Variants in ANKRD36B observed in about 807,000 individuals in gnomAD.
ANKRD36B encodes the protein ankyrin repeat domain 36B.
ANKRD36B carries 37 observed loss-of-function variants against 135.7 expected under a neutral mutation model. That is an observed-to-expected ratio of 0.27 (90% confidence interval 0.21 to 0.36). The LOEUF (loss-of-function observed/expected upper bound fraction) is 0.36, where lower values mean the gene tolerates loss of function less well. Among genes scored for constraint, ANKRD36B ranks in the 10% least tolerant of loss-of-function variants. The pLI, the probability that ANKRD36B is intolerant of heterozygous loss-of-function variation, is 1.00. For synonymous variants in ANKRD36B, 179 were observed against 348.1 expected (o/e 0.51, Z 5.41); for missense variants, 549 against 1,037.1 (o/e 0.53, Z 6.46).
intron 5 of ANKRD36B, among the ~76,000 whole-genome samples, chr2:97,577,901 G>T (rs1233249663): frequency 6.6e-6 from 1 of 151,808 alleles, no homozygotes; most frequent in South Asian, 2.1e-4. Context: ...AAGCTCTTAC[G>T]CTGTTTATAT....
In ANKRD36B at chr2:97,540,729, T is replaced by TC. The variant is rs2079110968; in HGVS notation, c.1886-501dup. On this transcript the variant is annotated intron_variant, in intron 28 of 43. Transcript: ENST00000359901. Reference sequence around the variant, plus strand: ...TTCAGTTGAATGTACACTTCACGTCTCTTCAGTAGAAGTGTCCTAAATTGA... The same window carrying TC: ...TTCAGTTGAATGTACACTTCACGTCTCCTTCAGTAGAAGTGTCCTAAATTGA... 2.1e-5 allele frequency among the ~76,000 whole-genome samples: 2 copies of TC among 96,702 alleles called. 1 individual carries two copies. The highest frequency in any genetic ancestry group is 1.8e-4 in the Admixed American group (2 of 10,822). 63.4% of individuals were successfully genotyped at this position (96,702 alleles called of 152,430 possible).
At chr2:97,557,970 AT>A (rs1290511353) in intron 10 of ANKRD36B, among the ~76,000 whole-genome samples, 2 of 117,452 alleles carry the variant, frequency 1.7e-5, no homozygotes, top group South Asian at 2.4e-4. Flanking sequence ...ATTCACCATT[AT>A]TTTTTTTTCT....
At chr2:97,554,972 G>C (rs758238932) in intron 14 of ANKRD36B, 88 bp downstream of exon 14, 51 of 1,490,624 alleles carry the variant, frequency 3.4e-5, no homozygotes, top group Admixed American at 5.7e-5. Flanking sequence ...GTGCAGCTTT[G>C]ATGAGCCCCC....
rs543568164 is a variant in ANKRD36B at position 97,574,031 on chromosome 2, G to T, written c.763+2348C>A. On this transcript the variant is annotated intron_variant, in intron 6 of 43. Transcript: ENST00000359901. ...AGCAATGGCAACAAAAGCCAAAATT[G>T]ACACATGGGATCTAATTAAACTAAA... is the stretch of plus-strand genomic sequence containing the variant. Among the ~76,000 whole-genome samples the T allele has an allele frequency of 3.3e-3, 495 of 152,244 alleles. 3 individuals carry two copies. Among genetic ancestry groups the T allele is most frequent in the African/African-American group, 0.011 (450 of 41,534 alleles).
chr2:97,558,746 A>G (rs1447073503), intron 10 of ANKRD36B, 53 bp downstream of exon 10: 12 of 1,605,992 alleles, frequency 7.5e-6, no homozygotes, highest in Non-Finnish European at 1.0e-5. Flanking sequence ...GGGGAAGAGA[A>G]GTACTTTTCT....
At position 97,589,686 on chromosome 2, in the gene ANKRD36B, G is replaced by C; in HGVS notation, c.-1C>G. 1.2e-6 allele frequency: 2 copies of C among 1,614,182 alleles called. No homozygotes were observed. Among genetic ancestry groups the C allele is most frequent in the Non-Finnish European group, 1.7e-6 (2 of 1,180,026 alleles). On this transcript the variant is annotated 5_prime_UTR_variant, in exon 1 of 44. Transcript: ENST00000359901. ...AGCCATCCGAGCACAAGCGCTCCAT[G>C]AGGGTGGGCCACCTCTCCCGCTCGT...
At position 97,530,613 on chromosome 2, in the gene ANKRD36B, C is replaced by T. The variant is rs1465000219; in HGVS notation, c.2265+1698G>A. ...CAAAAGAAACTACCATCAGAGTGAA[C>T]AGGCAACCTACAAAATGGGAGAAAA... On this transcript the variant is annotated intron_variant, in intron 35 of 43. Coordinates refer to ENST00000359901, the MANE Select transcript of ANKRD36B (RefSeq NM_001393939.1). Among the ~76,000 whole-genome samples, 2 of 95,858 alleles carry T rather than the reference C, an allele frequency of 2.1e-5. 1 individual carries two copies. Among genetic ancestry groups the T allele is most frequent in the Non-Finnish European group, 5.5e-5 (2 of 36,212 alleles). 62.9% of individuals were successfully genotyped at this position (95,858 alleles called of 152,430 possible).
At chr2:97,575,852 A>G (rs1302911964) in intron 6 of ANKRD36B, among the ~76,000 whole-genome samples, 2 of 152,074 alleles carry the variant, frequency 1.3e-5, no homozygotes, top group African/African-American at 2.4e-5. Flanking sequence ...AGCTTTAACT[A>G]CTGCAAAATC....
At chr2:97,581,593 T>C (rs1267665846) in intron 3 of ANKRD36B, among the ~76,000 whole-genome samples, 2 of 151,928 alleles carry the variant, frequency 1.3e-5, no homozygotes, top group African/African-American at 4.8e-5. Context: ...TTTATGTAAT[T>C]ATAATCTTAG....
At chr2:97,567,690 T>C (rs1167506610) in intron 6 of ANKRD36B, among the ~76,000 whole-genome samples, 1 of 152,188 alleles carries the variant, frequency 6.6e-6, no homozygotes, top group African/African-American at 2.4e-5. Context: ...TTGCCTAAGA[T>C]TCTGAGTAGT....
At position 97,496,803 on chromosome 2, in the gene ANKRD36B, G is replaced by A. The variant is rs1219403172; in HGVS notation, c.*7-3948C>T. 2.7e-5 allele frequency among the ~76,000 whole-genome samples: 2 copies of A among 74,884 alleles called. 1 individual carries two copies. The highest frequency in any genetic ancestry group is 6.5e-5 in the Non-Finnish European group (2 of 30,894). The allele number at this position is 74,884 out of a possible 152,430, so 49.1% of individuals were successfully genotyped here. A position where few individuals can be genotyped will look rare whatever the true frequency, so the allele number is the denominator to read the frequency against. ...TGTGTGTGTTTGTGTGTGTGTATAC[G>A]TGTATGTGTGTGTATGTATATATGT... On this transcript the variant is annotated intron_variant, in intron 43 of 43. Coordinates refer to ENST00000359901, the MANE Select transcript of ANKRD36B (RefSeq NM_001393939.1).
Position 97,551,324 on chromosome 2 carries a change from G to C in ANKRD36B, c.1340C>G (p.Thr447Ser), listed in dbSNP as rs1462288607. The C allele has an allele frequency of 1.3e-6, 2 of 1,579,576 alleles. No homozygotes were observed. The highest frequency in any genetic ancestry group is 1.8e-5 in the Admixed American group (1 of 55,880). Residue 447 changes from threonine (T) to serine (S), a missense_variant, in exon 18 of 44, where the codon ACC (threonine) becomes AGC (serine). By Grantham distance (58) the Thr-to-Ser change is moderately conservative. Coordinates refer to ENST00000359901, the MANE Select transcript of ANKRD36B (RefSeq NM_001393939.1). ...SDEKDSFSNI[T>S]REKKDGEISR... ...TATTTCTCCATCCTTTTTTTCTCTG[G>C]TTATATTCGAAAAAGAATCTTTCTC...
intron 6 of ANKRD36B, among the ~76,000 whole-genome samples, chr2:97,562,271 T>C (rs1310332090): frequency 1.3e-5 from 2 of 151,918 alleles, no homozygotes; most frequent in East Asian, 3.9e-4. Context: ...GTCATGATTG[T>C]CATGATTATT....
chr2:97,575,297 C>T (rs1489175595), intron 6 of ANKRD36B, among the ~76,000 whole-genome samples: 4 of 151,390 alleles, frequency 2.6e-5, no homozygotes, highest in African/African-American at 7.3e-5. Flanking sequence ...TCATTGAGAT[C>T]GATGACTTTG....
intron 3 of ANKRD36B, among the ~76,000 whole-genome samples, chr2:97,581,614 C>T (rs1320869323): frequency 6.6e-6 from 1 of 151,936 alleles, no homozygotes; most frequent in Non-Finnish European, 1.5e-5. Context: ...GACCCTGGTA[C>T]ATAACTCCTT....
intron 1 of ANKRD36B, among the ~76,000 whole-genome samples, chr2:97,587,388 C>A (rs183672442): frequency 1.9e-4 from 29 of 152,252 alleles, no homozygotes; most frequent in Non-Finnish European, 1.5e-5. Context: ...ATTTTGTACA[C>A]ATATTTGGCT....
intron 35 of ANKRD36B, 65 bp from the exon 36 acceptor site, chr2:97,523,532 A>G (rs2078042447): frequency 1.1e-6 from 1 of 902,014 alleles, no homozygotes; most frequent in South Asian, 1.3e-5. Context: ...CTAAATGTAC[A>G]GAAGTGGGAA....
chr2:97,551,543 C>A lies in ANKRD36B; in HGVS notation c.1274-63G>T, dbSNP rs2080069626. 1.3e-5 allele frequency: 21 copies of A among 1,602,092 alleles called. No homozygotes were observed. In the South Asian group the frequency reaches 2.1e-4, roughly 16 times the overall value. Reference sequence around the variant, plus strand: ...ACTATGACAAAGTTATCCATACATTCATGCAGTGTTTGTATCAACCTCTGT... The same window carrying A: ...ACTATGACAAAGTTATCCATACATTAATGCAGTGTTTGTATCAACCTCTGT... On this transcript the variant is annotated intron_variant, in intron 16 of 43. Coordinates refer to ENST00000359901, the MANE Select transcript of ANKRD36B (RefSeq NM_001393939.1).
chr2:97,496,536 G>A (rs1332531995), intron 43 of ANKRD36B, among the ~76,000 whole-genome samples: 1 of 63,702 alleles, frequency 1.6e-5, no homozygotes, highest in African/African-American at 4.8e-5. Flanking sequence ...TCAATGCCTG[G>A]CTTCTAATCT....
Sources: gnomAD v4.1 joint callset for allele counts (sites outside exome capture counted in the v4.1 genomes callset) on GRCh38, gnomAD v4.1.1 for gene constraint, MANE v1.5 for transcripts, NCBI Gene and HGNC (gene_info 2026-07-23, HGNC 2026-07-21) for gene names.